The following TMEM178B variants were observed in gnomAD, a reference collection of about 807,000 sequenced individuals.
TMEM178B encodes the protein transmembrane protein 178B.
A neutral mutation model predicts 31.0 loss-of-function variants in TMEM178B; 5 were observed. That is an observed-to-expected ratio of 0.16 (90% CI 0.08 to 0.34). TMEM178B has a LOEUF of 0.34. Among genes scored for constraint, TMEM178B ranks in the 10% least tolerant of loss-of-function variants. The pLI is 1.00. For synonymous variants in TMEM178B, 164 were observed against 164.0 expected (o/e 1.00, Z 0.00); for missense variants, 275 against 400.3 (o/e 0.69, Z 2.67).
chr7:141,112,150 T>C (rs1434215244), intron 1 of TMEM178B, among the ~76,000 whole-genome samples: 1 of 152,248 alleles, frequency 6.6e-6, no homozygotes, highest in Admixed American at 6.5e-5. Context: ...TTCATGCTTT[T>C]TGGGCTAATT....
At chr7:141,412,310 G>A (rs1299393361) in intron 2 of TMEM178B, among the ~76,000 whole-genome samples, 1 of 152,194 alleles carries the variant, frequency 6.6e-6, no homozygotes, top group African/African-American at 2.4e-5. Context: ...GGATGAGAGT[G>A]GGAGAGTGCA....
rs1483282577 is a variant in TMEM178B, at chr7:141,344,620, CTTCCTTCCTCCCTTCCTTCT to C, written c.497-92986_497-92967del. On this transcript the variant is annotated intron_variant, in intron 2 of 3. Transcript: ENST00000565468. The surrounding 1 kb of genome is among the most constrained non-coding windows in gnomAD (Gnocchi z 4.1). Reference sequence around the variant, plus strand: ...CCTTCCTTCCTTCCTTCCTTCCTTCCTTCCTTCCTCCCTTCCTTCTTCCCTTCATCAAAAGACCTCTCAGA... The same window carrying C: ...CCTTCCTTCCTTCCTTCCTTCCTTCCTCCCTTCATCAAAAGACCTCTCAGA... Among the ~76,000 whole-genome samples the C allele has an allele frequency of 2.5e-3, 352 of 143,582 alleles. 3 individuals carry two copies. Among genetic ancestry groups the C allele is most frequent in the African/African-American group, 8.8e-3 (340 of 38,496 alleles). The allele number at this position is 143,582 out of a possible 152,430, so 94.2% of individuals were successfully genotyped here.
chr7:141,312,791 A>G (rs757448034), intron 2 of TMEM178B, among the ~76,000 whole-genome samples: 1 of 152,246 alleles, frequency 6.6e-6, no homozygotes, highest in Non-Finnish European at 1.5e-5. Context: ...CAGTTTCTAA[A>G]GCAGGTGGAA....
At chr7:141,402,238 A>G (rs1315248563) in intron 2 of TMEM178B, among the ~76,000 whole-genome samples, 3 of 152,176 alleles carry the variant, frequency 2.0e-5, no homozygotes, top group African/African-American at 7.2e-5. Context: ...AATCCATTCC[A>G]GCATGGGAGG....
intron 2 of TMEM178B, among the ~76,000 whole-genome samples, chr7:141,324,416 GTTTTTTTTTTTT>G (rs56316531): frequency 0.14 from 12,196 of 85,966 alleles, 1,721 homozygotes; most frequent in African/African-American, 0.39. Context: ...GGAGACCAGG[GTTTTTTTTTTTT>G]TTTTTTTTTT....
At position 141,115,211 on chromosome 7, in the gene TMEM178B, C is replaced by CT. The variant is rs35427095; in HGVS notation, c.382+40527dup. Among the ~76,000 whole-genome samples, 468 of 151,910 alleles carry CT rather than the reference C, an allele frequency of 3.1e-3. 3 individuals are homozygous for CT. The highest frequency in any genetic ancestry group is 4.5e-3 in the Non-Finnish European group (303 of 67,928). ...GTGTGTGCTACCATGCCCAGCTAATCTTTTTTTTGTATTTTTAGTAGAGGC... is the reference window on the plus strand; with the variant it reads ...GTGTGTGCTACCATGCCCAGCTAATCTTTTTTTTTGTATTTTTAGTAGAGGC... On this transcript the variant is annotated intron_variant, in intron 1 of 3. Coordinates refer to ENST00000565468, the MANE Select transcript of TMEM178B (RefSeq NM_001195278.2).
intron 1 of TMEM178B, among the ~76,000 whole-genome samples, chr7:141,168,859 A>G (rs898944353): frequency 1.3e-5 from 2 of 152,180 alleles, no homozygotes; most frequent in Admixed American, 6.5e-5. Context: ...TCGGGACATA[A>G]TAATTGTATG....
intron 1 of TMEM178B, among the ~76,000 whole-genome samples, chr7:141,174,194 C>T (rs567584795): frequency 2.0e-4 from 30 of 152,170 alleles, no homozygotes; most frequent in Non-Finnish European, 2.6e-4. Flanking sequence ...CTCCCACTTA[C>T]GAGTGAGAAC....
chr7:141,331,911 A>C (rs1423072767), intron 2 of TMEM178B, among the ~76,000 whole-genome samples: 3 of 152,174 alleles, frequency 2.0e-5, no homozygotes, highest in Non-Finnish European at 4.4e-5. Flanking sequence ...TCAGTGTTCT[A>C]ACCCATTTGT....
intron 2 of TMEM178B, among the ~76,000 whole-genome samples, chr7:141,398,383 G>A (rs1336290413): frequency 6.6e-6 from 1 of 152,168 alleles, no homozygotes; most frequent in African/African-American, 2.4e-5. Context: ...TTGGGTAGCA[G>A]CTGTGACCCA....
intron 1 of TMEM178B, among the ~76,000 whole-genome samples, chr7:141,142,297 G>A (rs528500200): frequency 6.6e-6 from 1 of 152,272 alleles, no homozygotes; most frequent in South Asian, 2.1e-4. Flanking sequence ...CCAATCCACT[G>A]CTGTTGGGCA....
chr7:141,412,427 G>C (rs1206454336), intron 2 of TMEM178B, among the ~76,000 whole-genome samples: 1 of 152,180 alleles, frequency 6.6e-6, no homozygotes, highest in Non-Finnish European at 1.5e-5. Context: ...CTTTAGAGTG[G>C]AGGCAAGTTC....
chr7:141,247,115 CTCTT>C (rs1031458232), intron 2 of TMEM178B, among the ~76,000 whole-genome samples: 11 of 151,862 alleles, frequency 7.2e-5, no homozygotes, highest in South Asian at 2.1e-4. Flanking sequence ...CTTTCGCTCT[CTCTT>C]TCTATGTATA....
At chr7:141,420,321 T>G (rs765250162) in intron 2 of TMEM178B, among the ~76,000 whole-genome samples, 1 of 152,144 alleles carries the variant, frequency 6.6e-6, no homozygotes, top group Non-Finnish European at 1.5e-5. Flanking sequence ...AGCAGCTGCT[T>G]GAGAAACATG....
At chr7:141,226,803 A>G (rs1428492315) in intron 2 of TMEM178B, among the ~76,000 whole-genome samples, 1 of 150,116 alleles carries the variant, frequency 6.7e-6, no homozygotes, top group Non-Finnish European at 1.5e-5. Flanking sequence ...GGTTGCAGTG[A>G]ACTGAAGTTG....
chr7:141,327,420 A>G (rs1462237741), intron 2 of TMEM178B, among the ~76,000 whole-genome samples: 3 of 152,192 alleles, frequency 2.0e-5, no homozygotes, highest in African/African-American at 7.2e-5. Context: ...CTCCCCCACT[A>G]TCAACATTCC....
At chr7:141,421,240 T>C (rs1321358007) in intron 2 of TMEM178B, among the ~76,000 whole-genome samples, 2 of 152,200 alleles carry the variant, frequency 1.3e-5, no homozygotes, top group Non-Finnish European at 2.9e-5. Flanking sequence ...AAACAGAATT[T>C]GCTAGAATTT....
intron 1 of TMEM178B, among the ~76,000 whole-genome samples, chr7:141,108,706 G>T (rs1795185361): frequency 6.6e-6 from 1 of 152,140 alleles, no homozygotes; most frequent in Non-Finnish European, 1.5e-5. Flanking sequence ...GAGGGCTGTG[G>T]TCCCAGGTAT....
chr7:141,126,518 T>C (rs955312345), intron 1 of TMEM178B, among the ~76,000 whole-genome samples: 1 of 152,236 alleles, frequency 6.6e-6, no homozygotes, highest in Non-Finnish European at 1.5e-5. Flanking sequence ...AAATCTGCAA[T>C]GTTACCCTCA....
Sources: allele counts gnomAD v4.1 joint callset (sites outside exome capture counted in the v4.1 genomes callset), GRCh38; gene constraint gnomAD v4.1.1; non-coding constraint Gnocchi (gnomAD v3.1); transcripts MANE v1.5; gene names NCBI Gene and HGNC (gene_info 2026-07-23, HGNC 2026-07-21).